ATRNL1: variants seen among roughly 807,000 people sequenced by gnomAD.
ATRNL1 encodes attractin-like protein 1.
In ATRNL1, 95 loss-of-function variants were observed where a neutral mutation model predicts 182.7. The observed-to-expected ratio is 0.52, with a 90% confidence interval of 0.44 to 0.62. The LOEUF (loss-of-function observed/expected upper bound fraction) is 0.62. Among genes scored for constraint, ATRNL1 ranks in the 20% least tolerant of loss-of-function variants. The probability of loss-of-function intolerance (pLI) is 0.00; values close to 1 mark genes in which losing one functional copy is unlikely to be tolerated. For synonymous variants in ATRNL1, 576 were observed against 568.3 expected, an observed-to-expected ratio of 1.01 and a Z score of -0.19; for missense variants, 1,471 against 1,679.5, an observed-to-expected ratio of 0.88 and a Z score of 2.17.
chr10:115,382,578 A>T (rs750785222), intron 19 of ATRNL1, among the ~76,000 whole-genome samples: 11 of 151,898 alleles, frequency 7.2e-5, no homozygotes, highest in Non-Finnish European at 1.5e-4. Context: ...TTAATCTATT[A>T]GTTCTAATAG....
chr10:115,141,786 C>A (rs1592157804), intron 5 of ATRNL1, among the ~76,000 whole-genome samples: 3 of 151,996 alleles, frequency 2.0e-5, no homozygotes, highest in Admixed American at 2.0e-4. Flanking sequence ...GCGTTTAATT[C>A]CGTTAAATTC....
intron 24 of ATRNL1, among the ~76,000 whole-genome samples, chr10:115,512,684 G>A (rs1554982942): frequency 6.6e-6 from 1 of 151,888 alleles, no homozygotes; most frequent in Non-Finnish European, 1.5e-5. Flanking sequence ...TTACATTTTA[G>A]TGGGGAAAAG....
intron 5 of ATRNL1, among the ~76,000 whole-genome samples, chr10:115,144,068 C>T (rs192060970): frequency 6.6e-6 from 1 of 151,726 alleles, no homozygotes; most frequent in Admixed American, 6.6e-5. Context: ...CAACCTCTGC[C>T]TCCCAGTTTC....
chr10:115,186,547 G>A (rs1847948968), intron 8 of ATRNL1, among the ~76,000 whole-genome samples: 1 of 152,054 alleles, frequency 6.6e-6, no homozygotes, highest in African/African-American at 2.4e-5. Flanking sequence ...ATGCAACCCT[G>A]TCATTTGCAC....
At chr10:115,886,538 A>G (rs1951950176) in intron 28 of ATRNL1, among the ~76,000 whole-genome samples, 1 of 152,180 alleles carries the variant, frequency 6.6e-6, no homozygotes, top group Non-Finnish European at 1.5e-5. Flanking sequence ...AACAAGAACA[A>G]AAACATTAGT....
chr10:115,131,787 T>C lies in ATRNL1; in HGVS notation c.829+2252T>C, dbSNP rs369803743. The stretch of plus-strand genomic sequence containing the variant: ...TACCTCCATTATATTTTATCCTTTG[T>C]TGTTGCTTGACTACTTATTCTGTTT... On this transcript the variant is annotated intron_variant, in intron 5 of 28. Transcript: ENST00000355044. Among the ~76,000 whole-genome samples the C allele has an allele frequency of 6.8e-4, 104 of 152,332 alleles. 2 individuals are homozygous for C. The South Asian group carries it at 0.021, about 31-fold the overall frequency.
At chr10:115,180,811 G>A (rs1847720072) in intron 8 of ATRNL1, among the ~76,000 whole-genome samples, 1 of 151,882 alleles carries the variant, frequency 6.6e-6, no homozygotes, top group African/African-American at 2.4e-5. Flanking sequence ...TACTGTATGT[G>A]TGTGCCCTTA....
At chr10:115,886,352 T>A (rs1428955180) in intron 28 of ATRNL1, among the ~76,000 whole-genome samples, 1 of 152,146 alleles carries the variant, frequency 6.6e-6, no homozygotes, top group Admixed American at 6.5e-5. Context: ...CCGTCTCTAC[T>A]AAAAATACAA....
At chr10:115,096,559 A>G (rs926406001) in intron 1 of ATRNL1, 1 of 739,594 alleles carries the variant, frequency 1.4e-6, no homozygotes, top group Non-Finnish European at 2.0e-6. Context: ...ACAAACAGAC[A>G]TTAAAAATGA....
At chr10:115,509,026 G>T (rs1427908970) in intron 24 of ATRNL1, among the ~76,000 whole-genome samples, 1 of 151,936 alleles carries the variant, frequency 6.6e-6, no homozygotes, top group Non-Finnish European at 1.5e-5. Context: ...ATGAGCCTTG[G>T]TAATGAGCCA....
intron 18 of ATRNL1, among the ~76,000 whole-genome samples, chr10:115,328,927 A>T (rs952623896): frequency 6.6e-6 from 1 of 152,132 alleles, no homozygotes. Flanking sequence ...ATATTAATAC[A>T]TTGAAGTGCT....
At chr10:115,306,417 C>A (rs1554926199) in intron 17 of ATRNL1, among the ~76,000 whole-genome samples, 3 of 152,060 alleles carry the variant, frequency 2.0e-5, no homozygotes, top group Admixed American at 2.0e-4. Context: ...TTTTATCCCC[C>A]CTTTGGGAGC....
At chr10:115,612,285 T>G (rs149342616) in intron 26 of ATRNL1, among the ~76,000 whole-genome samples, 1 of 151,934 alleles carries the variant, frequency 6.6e-6, no homozygotes. Context: ...CCGAGGAAGT[T>G]TGGCCTTTGT....
chr10:115,312,003 T>A (rs2134005304), intron 17 of ATRNL1, among the ~76,000 whole-genome samples: 1 of 152,178 alleles, frequency 6.6e-6, no homozygotes, highest in South Asian at 2.1e-4. Context: ...AATCTTTAAA[T>A]GTTAGATGTG....
Position 115,128,119 on chromosome 10 carries a change from A to G in ATRNL1, c.620+398A>G, listed in dbSNP as rs189235010. 3.9e-5 allele frequency among the ~76,000 whole-genome samples: 6 copies of G among 152,324 alleles called. No homozygotes were observed. The East Asian group carries it at 1.2e-3, about 29-fold the overall frequency. ...GCTAAGTTTTTGTAGTCCCTATTGCAGAGACTGTACTGAAAGCTATGCATA... is the reference window on the plus strand; with the variant it reads ...GCTAAGTTTTTGTAGTCCCTATTGCGGAGACTGTACTGAAAGCTATGCATA... On this transcript the variant is annotated intron_variant, in intron 4 of 28. Coordinates refer to ENST00000355044, the MANE Select transcript of ATRNL1 (RefSeq NM_207303.4).
intron 20 of ATRNL1, among the ~76,000 whole-genome samples, chr10:115,421,353 A>C (rs1845643380): frequency 6.6e-6 from 1 of 152,218 alleles, no homozygotes; most frequent in Non-Finnish European, 1.5e-5. Context: ...ACCATGATTT[A>C]GTGAAATTCA....
At chr10:115,836,665 G>A (rs2134325517) in intron 27 of ATRNL1, among the ~76,000 whole-genome samples, 1 of 152,244 alleles carries the variant, frequency 6.6e-6, no homozygotes, top group African/African-American at 2.4e-5. Flanking sequence ...CAAAAGTAGG[G>A]CAGGCCTACC....
chr10:115,233,740 A>G (rs923412249), intron 9 of ATRNL1, among the ~76,000 whole-genome samples: 1 of 152,030 alleles, frequency 6.6e-6, no homozygotes, highest in Admixed American at 6.6e-5. Flanking sequence ...GGTTTTGCCA[A>G]AGGCTGTTTT....
chr10:115,768,929 T>G (rs1203336265), intron 27 of ATRNL1, among the ~76,000 whole-genome samples: 1 of 152,110 alleles, frequency 6.6e-6, no homozygotes. Context: ...ATGAGTCACT[T>G]TTAAATCTTT....
Sources: gnomAD v4.1 joint callset for allele counts (sites outside exome capture counted in the v4.1 genomes callset) on GRCh38, gnomAD v4.1.1 for gene constraint, MANE v1.5 for transcripts, NCBI Gene and HGNC (gene_info 2026-07-23, HGNC 2026-07-21) for gene names.